HKDC1: variants seen among roughly 807,000 people sequenced by gnomAD.
HKDC1 encodes hexokinase HKDC1.
Under a neutral mutation model 96.6 loss-of-function variants are expected in HKDC1, and 66 were observed. The observed-to-expected ratio is 0.68, with a 90% CI of 0.56 to 0.84. HKDC1 has a LOEUF of 0.84. Ranked by LOEUF, HKDC1 falls within the 40% of genes least tolerant of loss-of-function variation. The pLI is 0.00. For missense variants in HKDC1, 1,211 were observed against 1,208.1 expected, an observed-to-expected ratio of 1.00 and a Z score of -0.04; for synonymous variants, 466 against 473.1, an observed-to-expected ratio of 0.98 and a Z score of 0.20.
intron 5 of HKDC1, among the ~76,000 whole-genome samples, chr10:69,239,596 T>C (rs1396736440): frequency 6.6e-6 from 1 of 152,240 alleles, no homozygotes; most frequent in Non-Finnish European, 1.5e-5. Flanking sequence ...TTTAAACTAC[T>C]GCGAAAGCAA....
chr10:69,255,534 CT>C (rs970141589), intron 12 of HKDC1, among the ~76,000 whole-genome samples: 9 of 152,338 alleles, frequency 5.9e-5, no homozygotes, highest in African/African-American at 1.9e-4. Flanking sequence ...CTTCACCCCC[CT>C]GGCTTTCTAG....
At chr10:69,223,040 A>G (rs891176396) in intron 1 of HKDC1, 1 of 152,018 alleles carries the variant, frequency 6.6e-6, no homozygotes, top group African/African-American at 2.4e-5. Flanking sequence ...CCATACCAGC[A>G]TGGAAACAAA....
chr10:69,260,881 G>A (rs931775032), intron 15 of HKDC1, among the ~76,000 whole-genome samples: 3 of 152,282 alleles, frequency 2.0e-5, no homozygotes, highest in Admixed American at 2.0e-4. Flanking sequence ...TGGCTTTGGG[G>A]CCAAGACCAG....
intron 4 of HKDC1, among the ~76,000 whole-genome samples, chr10:69,235,109 C>T (rs1480824699): frequency 6.6e-6 from 1 of 151,992 alleles, no homozygotes; most frequent in East Asian, 1.9e-4. Context: ...CAGCGCAGGC[C>T]ACAAAGCGAG....
At chr10:69,227,423 T>C (rs1564724408) in intron 2 of HKDC1, 54 bp downstream of exon 2, 1 of 1,601,098 alleles carries the variant, frequency 6.2e-7, no homozygotes, top group Non-Finnish European at 8.5e-7. Flanking sequence ...CTGATGGGTG[T>C]CTAAAGTACC....
intron 4 of HKDC1, among the ~76,000 whole-genome samples, chr10:69,234,639 C>T (rs565257159): frequency 5.0e-4 from 76 of 152,320 alleles, no homozygotes; most frequent in African/African-American, 1.8e-3. Context: ...GTAAAGCATC[C>T]AACACTGTGG....
rs1216191424 is a variant in HKDC1 at position 69,261,053 on chromosome 10, G to A, written c.2217-86G>A. ...AGCTAGGATCTGGATCTTGCTCCATGCGTAGCTCCAAAGCCTGGCCTTCTC... is the reference window on the plus strand; with the variant it reads ...AGCTAGGATCTGGATCTTGCTCCATACGTAGCTCCAAAGCCTGGCCTTCTC... On this transcript the variant is annotated intron_variant, in intron 15 of 17. Transcript: ENST00000354624. 2.4e-6 allele frequency: 3 copies of A among 1,255,416 alleles called. No individual in the cohort carries two copies. In the East Asian group the frequency reaches 7.1e-5, roughly 30 times the overall value. 77.8% of individuals were successfully genotyped at this position (1,255,416 alleles called of 1,614,324 possible).
Position 69,261,140 on chromosome 10 carries a change from T to C in HKDC1, c.2218T>C (p.Tyr740His), listed in dbSNP as rs779802342. The C allele has an allele frequency of 3.1e-6, 5 of 1,612,334 alleles. No homozygotes were observed. The highest frequency in any genetic ancestry group is 4.2e-6 in the Non-Finnish European group (5 of 1,178,624). Residue 740 changes from tyrosine (Y) to histidine (H), a missense_variant and splice_region_variant, in exon 16 of 18, where the codon TAC becomes CAC. Physicochemically the swap from Tyr to His is moderately conservative, Grantham distance 83. Coordinates refer to ENST00000354624, the MANE Select transcript of HKDC1 (RefSeq NM_025130.4). ...EGSLNPGKQR[Y>H]EKMTSGMYLG... The stretch of plus-strand genomic sequence containing the variant: ...ACCTTATCCTTCTTCTCCAAACAGA[T>C]ACGAGAAAATGACCAGTGGGATGTA...
At position 69,239,134 on chromosome 10, in the gene HKDC1, CA is replaced by C; in HGVS notation, c.590del (p.Lys197ArgfsTer18). ...SRLTKAMRRH[K>X]DMDVDILALV... ...GTCTGACCAAAGCCATGAGAAGACA[CA>C]AGGTGAGGAATTCACCTCGGTGTGG... On this transcript the variant is annotated frameshift_variant and splice_region_variant, in exon 5 of 18. Coordinates refer to ENST00000354624, the MANE Select transcript of HKDC1 (RefSeq NM_025130.4). LOFTEE classifies it high-confidence loss of function. 2 of 1,612,698 alleles carry C rather than the reference CA, an allele frequency of 1.2e-6. No individual in the cohort carries two copies. The highest frequency in any genetic ancestry group is 1.7e-6 in the Non-Finnish European group (2 of 1,178,806).
At position 69,248,874 on chromosome 10, in the gene HKDC1, TA is replaced by T. The variant is rs543832533; in HGVS notation, c.1570+149del. 899 of 758,414 alleles carry T rather than the reference TA, an allele frequency of 1.2e-3. 5 individuals are homozygous for T. Among genetic ancestry groups the T allele is most frequent in the Non-Finnish European group, 1.5e-3 (718 of 488,688 alleles). 47.0% of individuals were successfully genotyped at this position (758,414 alleles called of 1,614,324 possible). A position where few individuals can be genotyped will look rare whatever the true frequency, so the allele number is the denominator to read the frequency against. On this transcript the variant is annotated intron_variant, in intron 10 of 17. Coordinates refer to ENST00000354624, the MANE Select transcript of HKDC1 (RefSeq NM_025130.4). ...GTAAGAAGAAGGCTAGTATTCTTTC[TA>T]AATCTGTTGGCCTTTGTTAACCCAA... is the stretch of plus-strand genomic sequence containing the variant.
chr10:69,247,660 T>C, intron 9 of HKDC1, 67 bp downstream of exon 9: 1 of 1,255,784 alleles, frequency 8.0e-7, no homozygotes, highest in Non-Finnish European at 1.1e-6. Flanking sequence ...CAGTGTCTTC[T>C]GGACTATCCT....
At chr10:69,232,958 C>A in intron 3 of HKDC1, 46 bp downstream of exon 3, 1 of 1,612,370 alleles carries the variant, frequency 6.2e-7, no homozygotes, top group Non-Finnish European at 8.5e-7. Context: ...GCGGTGGCAT[C>A]CGTGTGTGGG....
At chr10:69,247,039 T>C (rs1843552152) in intron 8 of HKDC1, among the ~76,000 whole-genome samples, 1 of 152,252 alleles carries the variant, frequency 6.6e-6, no homozygotes, top group Admixed American at 6.5e-5. Flanking sequence ...TTACTAGCTG[T>C]GTAGCCAAGG....
At chr10:69,255,437 C>T (rs1589415198) in intron 12 of HKDC1, among the ~76,000 whole-genome samples, 2 of 152,120 alleles carry the variant, frequency 1.3e-5, no homozygotes, top group Non-Finnish European at 1.5e-5. Context: ...CATCCAGCCA[C>T]GGGGCTGACG....
Position 69,261,416 on chromosome 10 carries a change from C to T in HKDC1, c.2372+122C>T, listed in dbSNP as rs1298627805. The T allele has an allele frequency of 4.8e-6, 4 of 836,654 alleles. No individual in the cohort carries two copies. In the African/African-American group the frequency reaches 5.1e-5, roughly 11 times the overall value. The allele number at this position is 836,654 out of a possible 1,614,324, so 51.8% of individuals were successfully genotyped here. On this transcript the variant is annotated intron_variant, in intron 16 of 17. Transcript: ENST00000354624. ...AGGCCCTGGCTGGGTAAGGGATTGC[C>T]TCCTGGGGCTGCTCTTCTCTTTCCA...
At chr10:69,235,291 G>A (rs1033009537) in intron 4 of HKDC1, among the ~76,000 whole-genome samples, 3 of 151,610 alleles carry the variant, frequency 2.0e-5, no homozygotes, top group East Asian at 3.9e-4. Context: ...GCCTGGTGGC[G>A]GGCGCCTGTA....
At chr10:69,237,277 T>TTGTC (rs377104081) in intron 4 of HKDC1, among the ~76,000 whole-genome samples, 28,487 of 145,598 alleles carry the variant, frequency 0.2, 3,168 homozygotes, top group Admixed American at 0.26. Context: ...AGAAATTTCT[T>TTGTC]TGTGTGTGTG....
intron 1 of HKDC1, 37 bp from the exon 2 acceptor site, chr10:69,227,170 C>T (rs781565673): frequency 6.2e-7 from 1 of 1,611,330 alleles, no homozygotes; most frequent in Non-Finnish European, 8.5e-7. Context: ...GGTGAGGGCC[C>T]CCAGCAGCAC....
chr10:69,260,237 A>G (rs1375632741), intron 15 of HKDC1, among the ~76,000 whole-genome samples: 2 of 152,226 alleles, frequency 1.3e-5, no homozygotes, highest in Non-Finnish European at 2.9e-5. Flanking sequence ...GGCTCAGACA[A>G]GACCAAGACT....
Sources: allele counts gnomAD v4.1 joint callset (sites outside exome capture counted in the v4.1 genomes callset), GRCh38; gene constraint gnomAD v4.1.1; transcripts MANE v1.5; gene names NCBI Gene and HGNC (gene_info 2026-07-23, HGNC 2026-07-21).